TFDP2: variants seen among roughly 807,000 people sequenced by gnomAD.
The protein encoded by TFDP2 is transcription factor Dp-2.
A neutral mutation model predicts 59.3 loss-of-function variants in TFDP2; 17 were observed. The observed-to-expected ratio is 0.29, with a 90% CI of 0.20 to 0.43. The LOEUF is 0.43. TFDP2 is among the 20% of genes least tolerant of loss of function. The pLI is 1.00. For synonymous variants in TFDP2, 180 were observed against 194.7 expected, an observed-to-expected ratio of 0.92 and a Z score of 0.63; for missense variants, 391 against 528.8, an observed-to-expected ratio of 0.74 and a Z score of 2.56.
At chr3:142,042,266 TTC>T (rs1947014811) in intron 3 of TFDP2, among the ~76,000 whole-genome samples, 1 of 152,198 alleles carries the variant, frequency 6.6e-6, no homozygotes, top group South Asian at 2.1e-4. Context: ...TGCAGACATT[TTC>T]TTTTTCCTAA....
At chr3:141,997,849 C>CAAAAA (rs3058569) in intron 4 of TFDP2, among the ~76,000 whole-genome samples, 54 of 83,960 alleles carry the variant, frequency 6.4e-4, no homozygotes, top group Non-Finnish European at 7.3e-4. Context: ...GACTCCATCT[C>CAAAAA]AAAAAAAAAA....
chr3:142,042,948 G>A (rs1279509015), intron 3 of TFDP2, among the ~76,000 whole-genome samples: 1 of 151,242 alleles, frequency 6.6e-6, no homozygotes, highest in Admixed American at 6.6e-5. Context: ...CTCCTTGTTG[G>A]TAAGTCTGGT....
At position 142,133,644 on chromosome 3, in the gene TFDP2, G is replaced by A. The variant is rs1246607398; in HGVS notation, c.-93+15539C>T. Among the ~76,000 whole-genome samples the A allele has an allele frequency of 5.0e-5, 7 of 140,734 alleles. 1 individual carries two copies. Among genetic ancestry groups the A allele is most frequent in the East Asian group, 2.0e-4 (1 of 5,094 alleles). 92.3% of individuals were successfully genotyped at this position (140,734 alleles called of 152,430 possible). A position where few individuals can be genotyped will look rare whatever the true frequency, so the allele number is the denominator to read the frequency against. ...TCCTAGGTATCTGGGCTACAGGCACGTGCCATCACACCTGGCTAATCTGCT... is the reference window on the plus strand; with the variant it reads ...TCCTAGGTATCTGGGCTACAGGCACATGCCATCACACCTGGCTAATCTGCT... On this transcript the variant is annotated intron_variant, in intron 1 of 12. Transcript: ENST00000489671.
chr3:142,072,755 C>T (rs2060289854), intron 3 of TFDP2, among the ~76,000 whole-genome samples: 3 of 152,006 alleles, frequency 2.0e-5, no homozygotes, highest in Admixed American at 1.3e-4. Flanking sequence ...GGATTATAAC[C>T]CAGAGTATAA....
At chr3:141,969,964 G>A (rs1037692631) in intron 9 of TFDP2, 109 bp downstream of exon 9, 10 of 1,052,836 alleles carry the variant, frequency 9.5e-6, no homozygotes, top group African/African-American at 1.6e-5. Context: ...GCCCTGGCGT[G>A]GGCTCACCAC....
chr3:142,063,556 T>C (rs1284026754), intron 3 of TFDP2, among the ~76,000 whole-genome samples: 1 of 152,226 alleles, frequency 6.6e-6, no homozygotes, highest in African/African-American at 2.4e-5. Context: ...AATCAATTGT[T>C]GAAAGTTATT....
chr3:142,146,989 G>T, intron 1 of TFDP2, among the ~76,000 whole-genome samples: 1 of 151,018 alleles, frequency 6.6e-6, no homozygotes. Flanking sequence ...ACTTGGGAGG[G>T]TGAGGTGGGA....
chr3:142,090,122 T>C (rs2060950544), intron 3 of TFDP2, among the ~76,000 whole-genome samples: 1 of 152,224 alleles, frequency 6.6e-6, no homozygotes, highest in African/African-American at 2.4e-5. Flanking sequence ...CCTTCTGCTG[T>C]TACTAGCTAA....
intron 1 of TFDP2, among the ~76,000 whole-genome samples, chr3:142,111,620 C>G (rs751596637): frequency 6.6e-6 from 1 of 151,758 alleles, no homozygotes; most frequent in Non-Finnish European, 1.5e-5. Flanking sequence ...GAAAACAGCA[C>G]CGGAAAGATC....
In TFDP2 at chr3:142,121,328, A is replaced by G. The variant is rs1432112144; in HGVS notation, c.-92-19487T>C. Among the ~76,000 whole-genome samples the G allele has an allele frequency of 6.6e-6, 1 of 152,216 alleles. No homozygotes were observed. Among genetic ancestry groups the G allele is most frequent in the Admixed American group, 6.5e-5 (1 of 15,272 alleles). Reference sequence around the variant, plus strand: ...AGAAGTTCACAAACAAATGAGCAAGACAAATGCATACAGTATAACATGCTA... The same window carrying G: ...AGAAGTTCACAAACAAATGAGCAAGGCAAATGCATACAGTATAACATGCTA... On this transcript the variant is annotated intron_variant, in intron 1 of 12. Coordinates refer to ENST00000489671, the MANE Select transcript of TFDP2 (RefSeq NM_001178139.2). This position sits in a 1 kb window ranked among gnomAD's most constrained non-coding sequence, Gnocchi z 4.3.
chr3:141,976,021 C>T (rs1299214138), intron 7 of TFDP2, among the ~76,000 whole-genome samples: 2 of 151,972 alleles, frequency 1.3e-5, no homozygotes, highest in Admixed American at 6.6e-5. Context: ...GTTGGGATTA[C>T]AGGCGCCCAC....
At chr3:141,977,107 T>TAGATAGATAGATAGA (rs1491255094) in intron 7 of TFDP2, among the ~76,000 whole-genome samples, 1 of 86,686 alleles carries the variant, frequency 1.2e-5, no homozygotes, top group Non-Finnish European at 2.2e-5. Context: ...TATATATATA[T>TAGATAGATAGATAGA]TTTTTTTTTT....
At chr3:142,111,017 C>G (rs1230071275) in intron 1 of TFDP2, among the ~76,000 whole-genome samples, 1 of 152,048 alleles carries the variant, frequency 6.6e-6, no homozygotes, top group East Asian at 1.9e-4. Context: ...AAAACAATGA[C>G]AGTCCCTGCC....
intron 3 of TFDP2, among the ~76,000 whole-genome samples, chr3:142,014,308 ATTT>A (rs369934755): frequency 7.9e-5 from 12 of 151,262 alleles, no homozygotes; most frequent in Middle Eastern, 3.2e-3. Context: ...ATGCCCAGGT[ATTT>A]TTTTTTATTT....
At chr3:141,967,150 C>G (rs1938219473) in intron 9 of TFDP2, among the ~76,000 whole-genome samples, 1 of 150,736 alleles carries the variant, frequency 6.6e-6, no homozygotes, top group Admixed American at 6.6e-5. Flanking sequence ...CTCCTGACCT[C>G]GTGATCTGCC....
At chr3:142,118,810 A>C (rs576127960) in intron 1 of TFDP2, among the ~76,000 whole-genome samples, 2 of 152,338 alleles carry the variant, frequency 1.3e-5, no homozygotes, top group South Asian at 4.1e-4. Context: ...GTTGAACATT[A>C]GTATTACTGG....
intron 9 of TFDP2, among the ~76,000 whole-genome samples, chr3:141,966,462 C>T (rs968098186): frequency 1.3e-5 from 2 of 151,734 alleles, no homozygotes; most frequent in African/African-American, 4.9e-5. Context: ...TGAGCCACTG[C>T]ACCTGGTCAT....
intron 3 of TFDP2, among the ~76,000 whole-genome samples, chr3:142,074,568 C>T (rs772693231): frequency 6.9e-4 from 105 of 151,388 alleles, no homozygotes; most frequent in Middle Eastern, 3.4e-3. Context: ...ATTAAAAAAA[C>T]AGGCCAGGTA....
chr3:141,978,486 A>G, intron 7 of TFDP2, 34 bp downstream of exon 7: 2 of 1,590,828 alleles, frequency 1.3e-6, no homozygotes, highest in Non-Finnish European at 1.7e-6. Context: ...AGCATCATCC[A>G]TCAAAATCAA....
Sources: gnomAD v4.1 joint callset for allele counts (sites outside exome capture counted in the v4.1 genomes callset) on GRCh38, gnomAD v4.1.1 for gene constraint, Gnocchi (gnomAD v3.1) non-coding constraint, MANE v1.5 for transcripts, NCBI Gene and HGNC (gene_info 2026-07-23, HGNC 2026-07-21) for gene names.